Variants in CIMIP6 observed in about 807,000 individuals in gnomAD.
CIMIP6 encodes ciliary microtubule inner protein 6.
At chr2:54,347,242 C>CTGAA in the CIMIP6 span, among the ~76,000 whole-genome samples, 1 of 152,250 alleles carries the variant, frequency 6.6e-6, no homozygotes, top group East Asian at 1.9e-4. Context: ...AGGAGTTGGA[C>CTGAA]TGAATTTTTA....
chr2:54,338,311 C>T, the CIMIP6 span, among the ~76,000 whole-genome samples: 2 of 150,952 alleles, frequency 1.3e-5, no homozygotes, highest in African/African-American at 4.9e-5. Context: ...GGCAAGCCTC[C>T]GTAGTCCCAG....
chr2:54,373,882 G>A, the CIMIP6 span, among the ~76,000 whole-genome samples: 13 of 152,110 alleles, frequency 8.5e-5, no homozygotes, highest in African/African-American at 2.9e-4. Flanking sequence ...ATCATCCTTG[G>A]TTTATGAATT....
the CIMIP6 span, among the ~76,000 whole-genome samples, chr2:54,381,061 T>C: frequency 6.6e-6 from 1 of 152,178 alleles, no homozygotes; most frequent in Non-Finnish European, 1.5e-5. Flanking sequence ...TTCATCTCTT[T>C]GCAGTGAAGT....
the CIMIP6 span, among the ~76,000 whole-genome samples, chr2:54,376,875 G>T: frequency 7.2e-5 from 11 of 152,210 alleles, no homozygotes; most frequent in Non-Finnish European, 1.5e-4. Context: ...GTTAGCACAA[G>T]AAATTAGTCT....
chr2:54,347,722 G>T, the CIMIP6 span, among the ~76,000 whole-genome samples: 1 of 152,240 alleles, frequency 6.6e-6, no homozygotes, highest in African/African-American at 2.4e-5. Context: ...TAGGATGGAG[G>T]ACAGAAAATC....
the CIMIP6 span, among the ~76,000 whole-genome samples, chr2:54,374,259 T>C: frequency 1.3e-5 from 2 of 152,368 alleles, no homozygotes; most frequent in African/African-American, 2.4e-5. Flanking sequence ...CCTAACATGC[T>C]GAAAATGGAA....
At chr2:54,344,129 A>T in the CIMIP6 span, among the ~76,000 whole-genome samples, 1 of 152,228 alleles carries the variant, frequency 6.6e-6, no homozygotes, top group African/African-American at 2.4e-5. Context: ...TCAGAAACTT[A>T]GTAGCATCCT....
chr2:54,337,322 T>G, the CIMIP6 span, among the ~76,000 whole-genome samples: 1 of 152,238 alleles, frequency 6.6e-6, no homozygotes, highest in Non-Finnish European at 1.5e-5. Context: ...TTTAATTTCA[T>G]GAGCTAAACC....
chr2:54,347,939 A>T, the CIMIP6 span, among the ~76,000 whole-genome samples: 1 of 152,036 alleles, frequency 6.6e-6, no homozygotes, highest in Admixed American at 6.6e-5. Context: ...CTACTTATCC[A>T]TCTGTTTTCC....
chr2:54,360,388 G>A, the CIMIP6 span: 1 of 1,608,488 alleles, frequency 6.2e-7, no homozygotes, highest in Non-Finnish European at 8.5e-7. Flanking sequence ...ATTCTCAGGA[G>A]CTGTTAGAGC....
the CIMIP6 span, among the ~76,000 whole-genome samples, chr2:54,346,532 T>G: frequency 9.2e-5 from 14 of 152,168 alleles, no homozygotes; most frequent in African/African-American, 3.4e-4. Context: ...ATTTCCTCCA[T>G]CCAAACTTAT....
At chr2:54,340,584 C>T in the CIMIP6 span, among the ~76,000 whole-genome samples, 1 of 152,130 alleles carries the variant, frequency 6.6e-6, no homozygotes, top group African/African-American at 2.4e-5. Flanking sequence ...AGATTTCACT[C>T]AGCTAAAGTG....
the CIMIP6 span, among the ~76,000 whole-genome samples, chr2:54,356,710 G>A: frequency 6.6e-6 from 1 of 152,092 alleles, no homozygotes; most frequent in Non-Finnish European, 1.5e-5. Flanking sequence ...GCAAATTATT[G>A]TTTTCTTCAT....
chr2:54,354,732 T>A, the CIMIP6 span, among the ~76,000 whole-genome samples: 4 of 152,212 alleles, frequency 2.6e-5, no homozygotes, highest in South Asian at 4.1e-4. Context: ...GATGGACTCT[T>A]GTGGTTTTTC....
chr2:54,346,033 AT>A, the CIMIP6 span, among the ~76,000 whole-genome samples: 10 of 152,066 alleles, frequency 6.6e-5, no homozygotes, highest in African/African-American at 2.2e-4. Flanking sequence ...ATACTAAACC[AT>A]TTTTTTTCAA....
the CIMIP6 span, among the ~76,000 whole-genome samples, chr2:54,351,994 A>C: frequency 6.6e-6 from 1 of 151,970 alleles, no homozygotes; most frequent in Non-Finnish European, 1.5e-5. Flanking sequence ...AGAAGAAAAA[A>C]AAACCTAAGA....
At chr2:54,338,741 T>C in the CIMIP6 span, among the ~76,000 whole-genome samples, 1 of 75,658 alleles carries the variant, frequency 1.3e-5, no homozygotes, top group Non-Finnish European at 3.5e-5. Flanking sequence ...GTTGGTTTTA[T>C]TTGTTTAGAA....
At chr2:54,347,169 CTT>C in the CIMIP6 span, among the ~76,000 whole-genome samples, 1 of 152,120 alleles carries the variant, frequency 6.6e-6, no homozygotes, top group Non-Finnish European at 1.5e-5. Flanking sequence ...AATGTACAGA[CTT>C]GATAAAAGGT....
At chr2:54,349,948 C>T in the CIMIP6 span, among the ~76,000 whole-genome samples, 1 of 151,708 alleles carries the variant, frequency 6.6e-6, no homozygotes, top group South Asian at 2.1e-4. Flanking sequence ...CTCCCGGGCT[C>T]AAGAGATTCT....
Sources: allele counts gnomAD v4.1 joint callset (sites outside exome capture counted in the v4.1 genomes callset), GRCh38; gene constraint gnomAD v4.1.1; transcripts MANE v1.5; gene names NCBI Gene and HGNC (gene_info 2026-07-23, HGNC 2026-07-21).